The following FTCDNL1 variants were observed in gnomAD, a reference collection of about 807,000 sequenced individuals.
The protein encoded by FTCDNL1 is formiminotransferase cyclodeaminase N-terminal like.
Under a neutral mutation model 5.9 loss-of-function variants are expected in FTCDNL1, and 11 were observed. That is an observed-to-expected ratio of 1.87 (90% confidence interval 1.18 to 3.10). The LOEUF is 3.10. Ranked by LOEUF, FTCDNL1 falls within the 30% of genes most tolerant of loss-of-function variation. The pLI is 0.00. For synonymous variants in FTCDNL1, 58 were observed against 24.8 expected (o/e 2.34, Z -3.99); for missense variants, 115 against 65.5 (o/e 1.76, Z -2.61).
chr2:199,763,947 T>C (rs1262177017), intron 3 of FTCDNL1, among the ~76,000 whole-genome samples: 1 of 152,192 alleles, frequency 6.6e-6, no homozygotes, highest in South Asian at 2.1e-4. Context: ...GTTCAATCAA[T>C]TCTCCTGCCT....
At position 199,763,001 on chromosome 2, in the gene FTCDNL1, C is replaced by T. The variant is rs531425926; in HGVS notation, c.212-2166G>A. Among the ~76,000 whole-genome samples the T allele has an allele frequency of 6.6e-5, 10 of 152,272 alleles. No individual in the cohort carries two copies. The South Asian group carries it at 1.9e-3, about 28-fold the overall frequency. On this transcript the variant is annotated intron_variant, in intron 3 of 3. Coordinates refer to the FTCDNL1 transcript ENST00000416668. ...GAAATCACATACTTGTCATGAGATG[C>T]ATGTTCAATGCAGTCAATTAAACAG...
chr2:199,728,470 G>C, the FTCDNL1 span, among the ~76,000 whole-genome samples: 48 of 152,066 alleles, frequency 3.2e-4, no homozygotes, highest in East Asian at 7.4e-3. Context: ...GGATGGTCTC[G>C]ATCTCCTGAC....
intron 3 of FTCDNL1, among the ~76,000 whole-genome samples, chr2:199,790,474 G>A (rs1156545032): frequency 1.3e-5 from 2 of 150,594 alleles, no homozygotes; most frequent in Non-Finnish European, 3.0e-5. Flanking sequence ...CTCCAGCTGG[G>A]GTGACAGAGC....
chr2:199,738,754 T>C, the FTCDNL1 span, among the ~76,000 whole-genome samples: 11 of 152,300 alleles, frequency 7.2e-5, no homozygotes, highest in East Asian at 1.9e-3. Flanking sequence ...CTATCAATGA[T>C]GGTAAAGAGA....
the FTCDNL1 span, among the ~76,000 whole-genome samples, chr2:199,685,829 A>G: frequency 6.0e-4 from 91 of 152,066 alleles, no homozygotes; most frequent in African/African-American, 2.1e-3. Context: ...AAGTTCAGAG[A>G]AAGGAGATCT....
intron 3 of FTCDNL1, among the ~76,000 whole-genome samples, chr2:199,778,387 A>T (rs1417566223): frequency 6.6e-6 from 1 of 152,208 alleles, no homozygotes; most frequent in Non-Finnish European, 1.5e-5. Context: ...ACTCAGTGGG[A>T]TTACGCAGAA....
In FTCDNL1 at chr2:199,783,214, T is replaced by C. The variant is rs116504491; in HGVS notation, c.212-22379A>G. On this transcript the variant is annotated intron_variant, in intron 3 of 3. Coordinates refer to the FTCDNL1 transcript ENST00000416668. ...AGGCCATGGCCTGTTACCAGTACTT[T>C]TCTCATTATACAATAAACAAGTATT... Among the ~76,000 whole-genome samples, 291 of 152,350 alleles carry C rather than the reference T, an allele frequency of 1.9e-3. 1 individual carries two copies. The highest frequency in any genetic ancestry group is 3.8e-3 in the Non-Finnish European group (259 of 68,030).
chr2:199,763,052 A>G (rs879689314), intron 3 of FTCDNL1, among the ~76,000 whole-genome samples: 1 of 152,242 alleles, frequency 6.6e-6, no homozygotes. Context: ...TGAAGGAGTG[A>G]AAGAGACATT....
the FTCDNL1 span, among the ~76,000 whole-genome samples, chr2:199,701,289 C>A: frequency 8.4e-6 from 1 of 119,390 alleles, no homozygotes; most frequent in Admixed American, 9.2e-5. Context: ...ATGGCTGTTA[C>A]TTGAAAGTTT....
rs62178295 is a variant in FTCDNL1, at chr2:199,810,112, G to A, written c.*2593C>T. Among the ~76,000 whole-genome samples the A allele has an allele frequency of 0.081, 12,254 of 151,840 alleles. 672 individuals carry two copies. The highest frequency in any genetic ancestry group is 0.11 in the Middle Eastern group (33 of 292). The stretch of plus-strand genomic sequence containing the variant: ...AGAAAAGCACGGTTAAGAGCTAAGC[G>A]TCATCAGCAGCAACAGGCCTTAGAC... On this transcript the variant is annotated 3_prime_UTR_variant, in exon 5 of 5. Coordinates refer to ENST00000420128, the MANE Select transcript of FTCDNL1 (RefSeq NM_001363886.2).
intron 3 of FTCDNL1, among the ~76,000 whole-genome samples, chr2:199,793,133 C>T (rs1409358528): frequency 6.6e-6 from 1 of 152,136 alleles, no homozygotes; most frequent in Non-Finnish European, 1.5e-5. Flanking sequence ...CTAATTGCTG[C>T]TCTTATACAT....
chr2:199,722,874 CCT>C, the FTCDNL1 span, among the ~76,000 whole-genome samples: 1 of 151,832 alleles, frequency 6.6e-6, no homozygotes, highest in East Asian at 1.9e-4. Context: ...TATTTTATTC[CCT>C]TTGTAGCAAT....
At chr2:199,692,705 C>G in the FTCDNL1 span, among the ~76,000 whole-genome samples, 1 of 152,162 alleles carries the variant, frequency 6.6e-6, no homozygotes, top group Admixed American at 6.5e-5. Flanking sequence ...AAACTCCAGT[C>G]CTTGAAACTT....
the FTCDNL1 span, among the ~76,000 whole-genome samples, chr2:199,680,530 G>C: frequency 6.6e-6 from 1 of 152,206 alleles, no homozygotes; most frequent in Non-Finnish European, 1.5e-5. Context: ...AGCTCTGACA[G>C]TATTTGTGTA....
At position 199,835,415 on chromosome 2, in the gene FTCDNL1, A is replaced by G. The variant is rs545636066; in HGVS notation, c.211+10660T>C. Among the ~76,000 whole-genome samples, 9 of 152,348 alleles carry G rather than the reference A, an allele frequency of 5.9e-5. No homozygotes were observed. In the East Asian group the frequency reaches 1.7e-3, roughly 29 times the overall value. On this transcript the variant is annotated intron_variant, in intron 3 of 4. Transcript: ENST00000420128. The stretch of plus-strand genomic sequence containing the variant: ...ATAGTCACATAATAAACGATAATTA[A>G]TGATGCTATAATTATTGTAATATCA...
downstream of FTCDNL1, among the ~76,000 whole-genome samples, chr2:199,808,187 G>T (rs1291667843): frequency 6.6e-6 from 1 of 152,092 alleles, no homozygotes; most frequent in African/African-American, 2.4e-5. Flanking sequence ...TCAGCATCAT[G>T]CTTCTTGTAC....
In FTCDNL1 at chr2:199,776,958, ATGTGTGTGTGTGTG is replaced by A. The variant is rs56145074; in HGVS notation, c.212-16137_212-16124del. On this transcript the variant is annotated intron_variant, in intron 3 of 3. Transcript: ENST00000416668. ...CACACACACACAGAGATGTGTGTAT[ATGTGTGTGTGTGTG>A]TGTGTGTGTGTGTGTGTGTGTGTGT... Among the ~76,000 whole-genome samples, 589 of 136,210 alleles carry A rather than the reference ATGTGTGTGTGTGTG, an allele frequency of 4.3e-3. 9 individuals carry two copies. Among genetic ancestry groups the A allele is most frequent in the African/African-American group, 0.015 (524 of 35,916 alleles). The allele number at this position is 136,210 out of a possible 152,430, so 89.4% of individuals were successfully genotyped here.
chr2:199,725,567 CA>C, the FTCDNL1 span, among the ~76,000 whole-genome samples: 5 of 152,144 alleles, frequency 3.3e-5, no homozygotes. Context: ...GGAGCTCTTG[CA>C]AGGCAGGCCT....
exon 4 of FTCDNL1, chr2:199,760,817 G>A (rs1250780876): frequency 1.4e-6 from 1 of 702,304 alleles, no homozygotes; most frequent in Non-Finnish European, 2.6e-6. Flanking sequence ...TTGCCTTTAG[G>A]CTTGGTTGCG....
Sources: gnomAD v4.1 joint callset for allele counts (sites outside exome capture counted in the v4.1 genomes callset) on GRCh38, gnomAD v4.1.1 for gene constraint, MANE v1.5 for transcripts, NCBI Gene and HGNC (gene_info 2026-07-23, HGNC 2026-07-21) for gene names.